Variants in PIGN observed in about 807,000 individuals in gnomAD.
PIGN encodes phosphatidylinositol glycan anchor biosynthesis class N.
In PIGN, 117 loss-of-function variants were observed where a neutral mutation model predicts 125.4. The observed-to-expected ratio is 0.93, with a 90% CI of 0.80 to 1.09. PIGN has a LOEUF of 1.09. PIGN is among the 50% of genes least tolerant of loss of function. The pLI is 0.00. For missense variants in PIGN, 1,075 were observed against 1,094.9 expected, an observed-to-expected ratio of 0.98 and a Z score of 0.26; for synonymous variants, 392 against 377.8, an observed-to-expected ratio of 1.04 and a Z score of -0.44.
At chr18:62,156,967 G>GA (rs949188391) in intron 6 of PIGN, among the ~76,000 whole-genome samples, 162 bp downstream of exon 6, 2 of 150,426 alleles carry the variant, frequency 1.3e-5, no homozygotes, top group South Asian at 2.1e-4. Flanking sequence ...AACTAAGAAG[G>GA]AAAAAAAAAT....
intron 25 of PIGN, among the ~76,000 whole-genome samples, chr18:62,086,295 A>G (rs2033697206): frequency 6.6e-6 from 1 of 152,234 alleles, no homozygotes; most frequent in Non-Finnish European, 1.5e-5. Flanking sequence ...AGATGAAGCA[A>G]GAAATATAGA....
At chr18:62,174,128 C>T (rs982112273) in intron 1 of PIGN, among the ~76,000 whole-genome samples, 14 of 151,618 alleles carry the variant, frequency 9.2e-5, no homozygotes, top group Admixed American at 8.5e-4. Flanking sequence ...GCAGGAAAAT[C>T]ACTTGAATCT....
intron 1 of PIGN, among the ~76,000 whole-genome samples, chr18:62,179,831 C>G (rs2147960680): frequency 6.6e-6 from 1 of 152,282 alleles, no homozygotes; most frequent in East Asian, 1.9e-4. Context: ...CATTTCCACT[C>G]CTGCTTTCCC....
chr18:62,109,827 T>C lies in PIGN; in HGVS notation c.1574+7A>G. 1 of 1,595,012 alleles carries C rather than the reference T, an allele frequency of 6.3e-7. No homozygotes were observed. Among genetic ancestry groups the C allele is most frequent in the Non-Finnish European group, 8.6e-7 (1 of 1,169,574 alleles). Reference sequence around the variant, plus strand: ...GAAAAAACAAGGCAGCAAGATGCATTACTTACTCTCTTAGAACCGCATACC... The same window carrying C: ...GAAAAAACAAGGCAGCAAGATGCATCACTTACTCTCTTAGAACCGCATACC... On this transcript the variant is annotated splice_region_variant and intron_variant, in intron 17 of 30. Coordinates refer to ENST00000640252, the MANE Select transcript of PIGN (RefSeq NM_176787.5).
intron 30 of PIGN, 93 bp downstream of exon 30, chr18:62,072,580 C>G: frequency 1.0e-6 from 1 of 962,852 alleles, no homozygotes; most frequent in South Asian, 1.5e-5. Flanking sequence ...TGAATATACT[C>G]TGTGATGTTT....
intron 28 of PIGN, 53 bp downstream of exon 28, chr18:62,082,620 C>A: frequency 1.1e-6 from 1 of 921,446 alleles, no homozygotes; most frequent in South Asian, 1.5e-5. Flanking sequence ...AAAGTTTACT[C>A]TCATCTCCTA....
intron 30 of PIGN, 39 bp downstream of exon 30, chr18:62,072,634 T>C (rs1371489783): frequency 6.8e-7 from 1 of 1,468,270 alleles, no homozygotes; most frequent in Non-Finnish European, 9.5e-7. Flanking sequence ...TCAGAACTTA[T>C]CCCTGTTGTT....
intron 30 of PIGN, among the ~76,000 whole-genome samples, chr18:62,048,875 C>A (rs1267552248): frequency 6.9e-6 from 1 of 145,012 alleles, no homozygotes. Context: ...ACAACAGTCC[C>A]CAGAGTGTGA....
At chr18:62,040,289 C>G (rs1362262563), downstream of PIGN, among the ~76,000 whole-genome samples, 1 of 150,022 alleles carries the variant, frequency 6.7e-6, no homozygotes, top group Admixed American at 6.6e-5. Context: ...TGCCGCACCG[C>G]ATGTTTAGGG....
chr18:62,060,372 G>C (rs2032043879), intron 30 of PIGN, among the ~76,000 whole-genome samples: 1 of 152,206 alleles, frequency 6.6e-6, no homozygotes, highest in Admixed American at 6.5e-5. Flanking sequence ...TTTTCAACCT[G>C]CACAATGGTG....
At chr18:62,154,768 TC>T in intron 6 of PIGN, 117 bp from the exon 7 acceptor site, 1 of 644,402 alleles carries the variant, frequency 1.6e-6, no homozygotes, top group Non-Finnish European at 2.7e-6. Context: ...AAAGCATTGT[TC>T]ATTATGATGG....
intron 29 of PIGN, among the ~76,000 whole-genome samples, chr18:62,073,678 C>G (rs923272852): frequency 2.6e-5 from 4 of 152,190 alleles, no homozygotes; most frequent in African/African-American, 9.7e-5. Flanking sequence ...TGGTTCACCA[C>G]CACACAAAAG....
chr18:62,078,540 G>T (rs2033290329), intron 28 of PIGN, among the ~76,000 whole-genome samples: 1 of 152,228 alleles, frequency 6.6e-6, no homozygotes, highest in Non-Finnish European at 1.5e-5. Flanking sequence ...TCCTTTGAAT[G>T]TGTCCCTGGT....
At chr18:62,158,282 T>C (rs1180168893) in intron 4 of PIGN, among the ~76,000 whole-genome samples, 2 of 152,104 alleles carry the variant, frequency 1.3e-5, no homozygotes, top group Admixed American at 1.3e-4. Context: ...ACCCCTGTGG[T>C]GCAGGTGGCA....
intron 1 of PIGN, among the ~76,000 whole-genome samples, chr18:62,173,658 A>G (rs1156950164): frequency 6.6e-6 from 1 of 152,234 alleles, no homozygotes; most frequent in Non-Finnish European, 1.5e-5. Context: ...CTGATGAACT[A>G]TAAAAATGGT....
At chr18:62,056,054 TAAAAA>T (rs766579368) in intron 30 of PIGN, among the ~76,000 whole-genome samples, 3 of 97,896 alleles carry the variant, frequency 3.1e-5, no homozygotes, top group Admixed American at 9.9e-5. Context: ...TTTTTGCCAC[TAAAAA>T]AAAAAAAAAA....
At chr18:62,157,040 CACATACATT>C (rs1246970784) in intron 6 of PIGN, 80 bp downstream of exon 6, 3 of 526,666 alleles carry the variant, frequency 5.7e-6, no homozygotes, top group Non-Finnish European at 1.0e-5. Flanking sequence ...TAAAAATCAA[CACATACATT>C]ACATACATAA....
At chr18:62,133,416 G>A (rs1457920170) in intron 14 of PIGN, among the ~76,000 whole-genome samples, 1 of 152,082 alleles carries the variant, frequency 6.6e-6, no homozygotes, top group Non-Finnish European at 1.5e-5. Context: ...CTGTTATCTA[G>A]CAGAGCAAAT....
At chr18:62,054,447 A>T (rs1437090297) in intron 30 of PIGN, among the ~76,000 whole-genome samples, 4 of 148,650 alleles carry the variant, frequency 2.7e-5, no homozygotes, top group Admixed American at 1.3e-4. Context: ...GGGATAAAAC[A>T]CTTGCAAGCC....
Sources: gnomAD v4.1 joint callset for allele counts (sites outside exome capture counted in the v4.1 genomes callset) on GRCh38, gnomAD v4.1.1 for gene constraint, MANE v1.5 for transcripts, NCBI Gene and HGNC (gene_info 2026-07-23, HGNC 2026-07-21) for gene names.